Variants in SETD3 observed in about 807,000 individuals in gnomAD.
The protein encoded by SETD3 is SET domain containing 3, actin N3(tau)-histidine methyltransferase.
In SETD3, 19 loss-of-function variants were observed where a neutral mutation model predicts 63.0. That is an observed-to-expected ratio of 0.30 (90% CI 0.21 to 0.44). The LOEUF (loss-of-function observed/expected upper bound fraction) is 0.44, where lower values mean the gene tolerates loss of function less well. SETD3 is among the 20% of genes least tolerant of loss of function. SETD3 has a pLI of 1.00. For missense variants in SETD3, 587 were observed against 728.5 expected (o/e 0.81, Z 2.24); for synonymous variants, 286 against 264.1 (o/e 1.08, Z -0.80).
intron 8 of SETD3, chr14:99,412,194 A>G (rs1427688643): frequency 6.6e-6 from 1 of 152,486 alleles, no homozygotes; most frequent in Non-Finnish European, 1.5e-5. Flanking sequence ...TTATCAGACA[A>G]CCCTCTCACA....
chr14:99,478,341 C>T (rs1896078980), intron 1 of SETD3, among the ~76,000 whole-genome samples: 1 of 152,188 alleles, frequency 6.6e-6, no homozygotes, highest in Admixed American at 6.5e-5. Flanking sequence ...ACACTTGAAA[C>T]TCTTCCTCTC....
intron 9 of SETD3, 90 bp downstream of exon 9, chr14:99,406,425 TA>T: frequency 8.3e-7 from 1 of 1,201,070 alleles, no homozygotes. Flanking sequence ...TTTTTTCCCC[TA>T]AGTTAAGTTC....
intron 6 of SETD3, among the ~76,000 whole-genome samples, chr14:99,422,972 C>T (rs1388814504): frequency 6.6e-6 from 1 of 152,224 alleles, no homozygotes; most frequent in Non-Finnish European, 1.5e-5. Flanking sequence ...TCCTCCACCT[C>T]AGGAAGCTCA....
chr14:99,426,176 A>G (rs886354597), intron 6 of SETD3, among the ~76,000 whole-genome samples: 1 of 152,222 alleles, frequency 6.6e-6, no homozygotes, highest in Non-Finnish European at 1.5e-5. Flanking sequence ...CTTTGCCTTC[A>G]AATCTACATA....
At chr14:99,452,364 C>A (rs982506285) in intron 6 of SETD3, among the ~76,000 whole-genome samples, 3 of 152,306 alleles carry the variant, frequency 2.0e-5, no homozygotes, top group South Asian at 4.1e-4. Context: ...CTCGGCCTCC[C>A]GGAGTGTTGG....
intron 6 of SETD3, among the ~76,000 whole-genome samples, chr14:99,443,722 T>A (rs2180841): frequency 0.42 from 63,743 of 152,060 alleles, 13,868 homozygotes; most frequent in East Asian, 0.56. Flanking sequence ...TAAAAAGAAT[T>A]CTCATGCTGC....
Position 99,403,455 on chromosome 14 carries a change from A to ACTCTCTCT in SETD3, c.1177+762_1177+769dup, listed in dbSNP as rs55804663. Among the ~76,000 whole-genome samples, 507 of 135,514 alleles carry ACTCTCTCT rather than the reference A, an allele frequency of 3.7e-3. 1 individual carries two copies. The highest frequency in any genetic ancestry group is 0.036 in the East Asian group (162 of 4,442). 88.9% of individuals were successfully genotyped at this position (135,514 alleles called of 152,430 possible). A position where few individuals can be genotyped will look rare whatever the true frequency, so the allele number is the denominator to read the frequency against. ...TACACACACACACACACACACACAC[A>ACTCTCTCT]CTCTCTCTCTCTCTCTCTCTCTCTC... On this transcript the variant is annotated intron_variant, in intron 11 of 12. Coordinates refer to ENST00000331768, the MANE Select transcript of SETD3 (RefSeq NM_032233.3).
intron 11 of SETD3, among the ~76,000 whole-genome samples, chr14:99,402,853 G>A (rs527971845): frequency 2.0e-5 from 3 of 152,324 alleles, no homozygotes; most frequent in East Asian, 3.9e-4. Context: ...CATGCCTGGC[G>A]CACAGTGAAT....
At chr14:99,458,143 T>C (rs547866567) in intron 6 of SETD3, 136 bp downstream of exon 6, 2 of 1,018,966 alleles carry the variant, frequency 2.0e-6, no homozygotes, top group South Asian at 3.6e-5. Context: ...CGATGAAATG[T>C]ATTTTATATT....
intron 6 of SETD3, among the ~76,000 whole-genome samples, chr14:99,426,761 G>T (rs1014440236): frequency 7.2e-5 from 11 of 152,116 alleles, no homozygotes; most frequent in Non-Finnish European, 7.4e-5. Context: ...CCTCTCCCAG[G>T]GGGGAGCATA....
At chr14:99,450,954 G>A (rs140955084) in intron 6 of SETD3, among the ~76,000 whole-genome samples, 290 of 152,260 alleles carry the variant, frequency 1.9e-3, no homozygotes, top group Non-Finnish European at 3.8e-3. Flanking sequence ...GGTGCCCCAC[G>A]TCACAGCACT....
At chr14:99,467,464 C>T (rs1368040324) in intron 1 of SETD3, among the ~76,000 whole-genome samples, 1 of 152,248 alleles carries the variant, frequency 6.6e-6, no homozygotes, top group Non-Finnish European at 1.5e-5. Context: ...AGCACCTCCA[C>T]CCTTCTGGGC....
At chr14:99,462,271 T>G (rs1303329353) in intron 3 of SETD3, among the ~76,000 whole-genome samples, 1 of 152,230 alleles carries the variant, frequency 6.6e-6, no homozygotes, top group Non-Finnish European at 1.5e-5. Flanking sequence ...TTTCAGCATG[T>G]CCTATGTAGT....
intron 6 of SETD3, among the ~76,000 whole-genome samples, chr14:99,437,487 T>G (rs972908898): frequency 6.6e-6 from 1 of 152,242 alleles, no homozygotes; most frequent in African/African-American, 2.4e-5. Flanking sequence ...GGTTTTCCAC[T>G]AGACTGAATG....
chr14:99,440,490 C>T, intron 6 of SETD3, among the ~76,000 whole-genome samples: 1 of 152,160 alleles, frequency 6.6e-6, no homozygotes, highest in Non-Finnish European at 1.5e-5. Context: ...GCAATACACA[C>T]AGCCTCCGGT....
intron 1 of SETD3, among the ~76,000 whole-genome samples, chr14:99,477,345 T>G (rs1896024305): frequency 6.6e-6 from 1 of 152,178 alleles, no homozygotes; most frequent in Non-Finnish European, 1.5e-5. Context: ...TAGAGGAGAC[T>G]CCCAAGTGGA....
chr14:99,433,246 A>G (rs1410954267), intron 6 of SETD3, among the ~76,000 whole-genome samples: 1 of 152,158 alleles, frequency 6.6e-6, no homozygotes, highest in Non-Finnish European at 1.5e-5. Context: ...ATACTTAAAC[A>G]TGGTTAAAAT....
Position 99,398,873 on chromosome 14 carries a change from C to G in SETD3, c.1591G>C (p.Gly531Arg), listed in dbSNP as rs572079491. Residue 531 changes from glycine to arginine, a missense_variant, in exon 13 of 13, where the codon GGA (glycine) becomes CGA (arginine). Transcript: ENST00000331768. Reference sequence around the variant, plus strand: ...CTGATGTTCAAGGCATCCTGCACTCCAGCCTCCTCCTCGAGGTTTCTCAAG... The same window carrying G: ...CTGATGTTCAAGGCATCCTGCACTCGAGCCTCCTCCTCGAGGTTTCTCAAG... ...LVLRNLEEEA[G>R]VQDALNIREA... 1 of 1,614,232 alleles carries G rather than the reference C, an allele frequency of 6.2e-7. No individual in the cohort carries two copies. The highest frequency in any genetic ancestry group is 2.2e-5 in the East Asian group (1 of 44,882).
chr14:99,456,910 A>T (rs1894792500), intron 6 of SETD3, among the ~76,000 whole-genome samples: 1 of 152,210 alleles, frequency 6.6e-6, no homozygotes, highest in Non-Finnish European at 1.5e-5. Flanking sequence ...TGCCAACAGA[A>T]GAGAGTCCTC....
Sources: allele counts gnomAD v4.1 joint callset (sites outside exome capture counted in the v4.1 genomes callset), GRCh38; gene constraint gnomAD v4.1.1; transcripts MANE v1.5; gene names NCBI Gene and HGNC (gene_info 2026-07-23, HGNC 2026-07-21).